The following ITGB1 variants were observed in gnomAD, a reference collection of about 807,000 sequenced individuals.
ITGB1 encodes integrin beta-1.
A neutral mutation model predicts 86.5 loss-of-function variants in ITGB1; 24 were observed. The observed-to-expected ratio is 0.28, with a 90% CI of 0.20 to 0.39. ITGB1 has a LOEUF of 0.39. Ranked by LOEUF, ITGB1 falls within the 10% of genes least tolerant of loss-of-function variation. The pLI is 1.00. For synonymous variants in ITGB1, 323 were observed against 316.8 expected (o/e 1.02, Z -0.21); for missense variants, 556 against 946.9 (o/e 0.59, Z 5.42).
chr10:32,952,544 C>T (rs530261127), intron 1 of ITGB1, among the ~76,000 whole-genome samples: 4 of 152,158 alleles, frequency 2.6e-5, no homozygotes, highest in African/African-American at 9.6e-5. Flanking sequence ...AAATATTGTA[C>T]ATGGAGAAGA....
chr10:32,946,755 G>T lies in ITGB1; in HGVS notation c.1-11197C>A, dbSNP rs1385169450. Among the ~76,000 whole-genome samples the T allele has an allele frequency of 4.8e-4, 52 of 107,284 alleles. 3 individuals are homozygous for T. The highest frequency in any genetic ancestry group is 2.4e-3 in the Admixed American group (24 of 9,944). 70.4% of individuals were successfully genotyped at this position (107,284 alleles called of 152,430 possible). A position where few individuals can be genotyped will look rare whatever the true frequency, so the allele number is the denominator to read the frequency against. ...AGTGGTTTGTATGTATTTCTGGGGG[G>T]GGGGGGGGGATTATTTTCCTTTTCT... On this transcript the variant is annotated intron_variant, in intron 1 of 15. Transcript: ENST00000302278.
At chr10:32,924,109 TG>T (rs1188413192) in intron 6 of ITGB1, among the ~76,000 whole-genome samples, 1 of 152,214 alleles carries the variant, frequency 6.6e-6, no homozygotes, top group Non-Finnish European at 1.5e-5. Flanking sequence ...GCTGAATAAA[TG>T]AAAGTGTCTG....
chr10:32,915,686 A>T (rs922457789), intron 11 of ITGB1, among the ~76,000 whole-genome samples: 2 of 152,144 alleles, frequency 1.3e-5, no homozygotes, highest in Non-Finnish European at 2.9e-5. Context: ...CCTACCAACC[A>T]AAAAAAGTCC....
chr10:32,935,496 T>A lies in ITGB1; in HGVS notation c.63A>T (p.Gln21His). 1 of 1,612,296 alleles carries A rather than the reference T, an allele frequency of 6.2e-7. No homozygotes were observed. Among genetic ancestry groups the A allele is most frequent in the Non-Finnish European group, 8.5e-7 (1 of 1,178,438 alleles). ...LISSVCCVFA[Q>H]TDENRCLKAN... ...AAGAAAATTTTTTGTTTTTACCTGT[T>A]TGAGCAAACACACAGCAAACTGAAC... The change falls in exon 2 of 16, where the codon CAA becomes CAT. Residue 21 changes from glutamine (Q) to histidine (H), a missense_variant. By Grantham distance (24) the Gln-to-His change is conservative. Around this residue, in one of 4 missense-constraint regions of ITGB1, gnomAD observed 183 missense variants for 263.9 expected, o/e 0.69. Transcript: ENST00000302278.
At chr10:32,924,077 A>C (rs539457014) in intron 6 of ITGB1, among the ~76,000 whole-genome samples, 2 of 152,326 alleles carry the variant, frequency 1.3e-5, no homozygotes. Flanking sequence ...CTTGGCAAGC[A>C]GTAAGCCCTT....
intron 6 of ITGB1, among the ~76,000 whole-genome samples, chr10:32,924,229 C>CT (rs1179089194): frequency 6.6e-6 from 1 of 152,102 alleles, no homozygotes; most frequent in African/African-American, 2.4e-5. Context: ...ATGAGGCTTC[C>CT]TTTTTTTATA....
chr10:32,913,392 A>G (rs748353592), intron 11 of ITGB1, among the ~76,000 whole-genome samples: 6 of 152,156 alleles, frequency 3.9e-5, no homozygotes, highest in Non-Finnish European at 8.8e-5. Flanking sequence ...GGATATTCAA[A>G]CCCATCGCAA....
At chr10:32,953,062 T>C (rs1331664045) in intron 1 of ITGB1, among the ~76,000 whole-genome samples, 2 of 152,214 alleles carry the variant, frequency 1.3e-5, no homozygotes, top group Non-Finnish European at 2.9e-5. Flanking sequence ...GGCCAGGTAC[T>C]ATCTGTGAAA....
rs202021866 is a variant in ITGB1, at chr10:32,935,550, T to C, written c.9A>G (p.Leu3=). The C allele has an allele frequency of 6.5e-5, 105 of 1,609,866 alleles. 1 individual carries two copies. Among genetic ancestry groups the C allele is most frequent in the Non-Finnish European group, 1.0e-5 (12 of 1,176,392 alleles). ...TCAGTCCAATCCAGAAAATTGGTTG[T>C]AAATTCATCTGAAATGTAAAATGTG... MN[L]QPIFWIGLIS... Residue 3 remains leucine (L), a synonymous_variant, in exon 2 of 16, where the codon TTA becomes TTG. Transcript: ENST00000302278.
At chr10:32,907,823 A>T (rs1158616543) in intron 15 of ITGB1, among the ~76,000 whole-genome samples, 1 of 151,984 alleles carries the variant, frequency 6.6e-6, no homozygotes, top group Non-Finnish European at 1.5e-5. Context: ...GATGAGCTTT[A>T]AAAAAAAGTT....
At chr10:32,939,596 C>T (rs934514962) in intron 1 of ITGB1, among the ~76,000 whole-genome samples, 5 of 152,150 alleles carry the variant, frequency 3.3e-5, no homozygotes, top group African/African-American at 4.8e-5. Context: ...TGTGTATCTA[C>T]GCACAGTTAG....
At chr10:32,920,152 G>C in intron 10 of ITGB1, 68 bp from the exon 11 acceptor site, 1 of 1,561,812 alleles carries the variant, frequency 6.4e-7, no homozygotes. Context: ...ATTTCAAAAA[G>C]TTGCTCACTT....
chr10:32,905,567 T>C (rs1344625229), intron 15 of ITGB1, among the ~76,000 whole-genome samples: 1 of 152,206 alleles, frequency 6.6e-6, no homozygotes, highest in African/African-American at 2.4e-5. Flanking sequence ...CCAAGTACAA[T>C]GTCATAGACA....
chr10:32,909,475 T>TAC (rs1191983205), intron 14 of ITGB1, among the ~76,000 whole-genome samples: 1 of 152,104 alleles, frequency 6.6e-6, no homozygotes, highest in African/African-American at 2.4e-5. Context: ...GAAGAAAAAC[T>TAC]TGGTAAACTG....
chr10:32,906,780 A>G (rs2094897718), intron 15 of ITGB1, among the ~76,000 whole-genome samples: 1 of 152,192 alleles, frequency 6.6e-6, no homozygotes. Flanking sequence ...AAGTGACTCA[A>G]TGCTGTTCTA....
At chr10:32,920,443 T>C (rs1228550540) in intron 9 of ITGB1, 58 bp from the exon 10 acceptor site, 1 of 1,491,836 alleles carries the variant, frequency 6.7e-7, no homozygotes, top group Non-Finnish European at 9.3e-7. Flanking sequence ...CTTGAATGCA[T>C]AAAACCAATG....
chr10:32,934,927 C>T (rs1478703971), intron 2 of ITGB1, among the ~76,000 whole-genome samples: 1 of 152,152 alleles, frequency 6.6e-6, no homozygotes, highest in Non-Finnish European at 1.5e-5. Context: ...ATCCTGATAT[C>T]GAACTGCTCT....
intron 7 of ITGB1, 35 bp downstream of exon 7, chr10:32,923,550 A>C: frequency 7.7e-6 from 12 of 1,565,780 alleles, no homozygotes; most frequent in African/African-American, 1.4e-5. Context: ...AATCCAACAT[A>C]AACACATTCA....
intron 1 of ITGB1, chr10:32,935,847 T>TAA (rs1593877329): frequency 4.6e-5 from 11 of 239,422 alleles, no homozygotes; most frequent in Non-Finnish European, 5.7e-5. Flanking sequence ...TTAACAGCGC[T>TAA]CAAAAAAAAA....
Sources: gnomAD v4.1 joint callset for allele counts (sites outside exome capture counted in the v4.1 genomes callset) on GRCh38, gnomAD v4.1.1 for gene constraint, gnomAD v4.1.1 regional missense constraint, MANE v1.5 for transcripts, NCBI Gene and HGNC (gene_info 2026-07-23, HGNC 2026-07-21) for gene names.